The following PCDHGA5 variants were observed in gnomAD, a reference collection of about 807,000 sequenced individuals.
PCDHGA5 encodes protocadherin gamma-A5.
In PCDHGA5, 36 loss-of-function variants were observed where a neutral mutation model predicts 56.7. That is an observed-to-expected ratio of 0.64 (90% CI 0.49 to 0.84). The LOEUF (loss-of-function observed/expected upper bound fraction) is 0.84. Among genes scored for constraint, PCDHGA5 ranks in the 40% least tolerant of loss-of-function variants. The probability of loss-of-function intolerance (pLI) is 0.00; values close to 1 mark genes in which losing one functional copy is unlikely to be tolerated. For synonymous variants in PCDHGA5, 563 were observed against 520.2 expected (o/e 1.08, Z -1.12); for missense variants, 1,305 against 1,201.5 (o/e 1.09, Z -1.27).
chr5:141,462,423 G>A (rs1367388191), intron 1 of PCDHGA5, among the ~76,000 whole-genome samples: 1 of 151,820 alleles, frequency 6.6e-6, no homozygotes, highest in East Asian at 1.9e-4. Context: ...GTCTATCTTG[G>A]TGAGTGTTGC....
intron 1 of PCDHGA5, chr5:141,409,997 G>C: frequency 1.2e-6 from 2 of 1,613,224 alleles, no homozygotes; most frequent in South Asian, 2.2e-5. Context: ...CGCCGACTCG[G>C]GACACAACGC....
intron 1 of PCDHGA5, chr5:141,478,141 C>T (rs770862398): frequency 6.2e-7 from 1 of 1,614,044 alleles, no homozygotes; most frequent in Non-Finnish European, 8.5e-7. Context: ...AAGCCCGAGC[C>T]GAGTTCCCCT....
intron 1 of PCDHGA5, chr5:141,422,942 G>C (rs199976232): frequency 6.2e-7 from 1 of 1,614,214 alleles, no homozygotes; most frequent in East Asian, 2.2e-5. Flanking sequence ...CCCACAGACG[G>C]CTCCACTGGC....
Position 141,415,576 on chromosome 5 carries a change from T to C in PCDHGA5, c.2421+48825T>C, listed in dbSNP as rs182127695. 9.5e-5 allele frequency: 153 copies of C among 1,614,182 alleles called. No individual in the cohort carries two copies. The Admixed American group carries it at 1.6e-3, about 17-fold the overall frequency. Reference sequence around the variant, plus strand: ...CGATCCTTTGTCTTTGTTAGATGATTCGAAGTTTCCTATAGAGGATACCCC... The same window carrying C: ...CGATCCTTTGTCTTTGTTAGATGATCCGAAGTTTCCTATAGAGGATACCCC... On this transcript the variant is annotated intron_variant, in intron 1 of 3. Transcript: ENST00000518069.
Position 141,419,080 on chromosome 5 carries a change from T to G in PCDHGA5, c.2421+52329T>G, listed in dbSNP as rs1286490083. The G allele has an allele frequency of 3.1e-6, 5 of 1,613,842 alleles. No individual in the cohort carries two copies. The South Asian group carries it at 5.5e-5, about 18-fold the overall frequency. On this transcript the variant is annotated intron_variant, in intron 1 of 3. Transcript: ENST00000518069. ...ATAATTACTACAAGCTAGTAACAGA[T>G]GAGGCCCTGGATCGGGAGCAGACCC... is the stretch of plus-strand genomic sequence containing the variant.
intron 1 of PCDHGA5, chr5:141,384,775 G>T (rs1392115505): frequency 1.9e-6 from 3 of 1,613,792 alleles, no homozygotes; most frequent in African/African-American, 1.3e-5. Context: ...CACGGGCGAG[G>T]TGCGCACGGC....
rs1472816403 is a variant in PCDHGA5 at position 141,451,473 on chromosome 5, C to T, written c.2422-43334C>T. On this transcript the variant is annotated intron_variant, in intron 1 of 3. Transcript: ENST00000518069. ...TGTTAGCTTGAGGTCTACCTCAGTTCCTTGCCATGTGGACCTCCATAGGGC... is the reference window on the plus strand; with the variant it reads ...TGTTAGCTTGAGGTCTACCTCAGTTTCTTGCCATGTGGACCTCCATAGGGC... Among the ~76,000 whole-genome samples the T allele has an allele frequency of 2.0e-5, 3 of 152,218 alleles. No homozygotes were observed. In the East Asian group the frequency reaches 5.8e-4, roughly 29 times the overall value.
In PCDHGA5 at chr5:141,431,887, T is replaced by C; in HGVS notation, c.2422-62920T>C. The C allele has an allele frequency of 1.2e-6, 2 of 1,614,190 alleles. No individual in the cohort carries two copies. The highest frequency in any genetic ancestry group is 1.7e-6 in the Non-Finnish European group (2 of 1,179,996). ...TTTTAAATGTAAATGACCAAGATTCTGAGGAAAACGGACAGGTGATCTGTT... is the reference window on the plus strand; with the variant it reads ...TTTTAAATGTAAATGACCAAGATTCCGAGGAAAACGGACAGGTGATCTGTT... On this transcript the variant is annotated intron_variant, in intron 1 of 3. Coordinates refer to ENST00000518069, the MANE Select transcript of PCDHGA5 (RefSeq NM_018918.3). The surrounding 1 kb of genome is among the most constrained non-coding windows in gnomAD (Gnocchi z 4.8).
At chr5:141,410,281 G>A (rs368378842) in intron 1 of PCDHGA5, 33 of 1,613,938 alleles carry the variant, frequency 2.0e-5, no homozygotes, top group Non-Finnish European at 2.0e-5. Context: ...TTTACCTGGT[G>A]GTGGCCTTGG....
intron 1 of PCDHGA5, chr5:141,419,197 T>C (rs560134083): frequency 1.2e-6 from 2 of 1,613,966 alleles, no homozygotes; most frequent in South Asian, 1.1e-5. Flanking sequence ...CTGACGTCAA[T>C]GACAACGCGC....
At chr5:141,417,994 G>T (rs369226139) in intron 1 of PCDHGA5, 231 of 1,613,766 alleles carry the variant, frequency 1.4e-4, no homozygotes, top group Non-Finnish European at 1.8e-4. Flanking sequence ...CCAAGGGCTC[G>T]GTGGTGGGGA....
intron 1 of PCDHGA5, chr5:141,409,152 T>C: frequency 6.2e-7 from 1 of 1,613,988 alleles, no homozygotes; most frequent in Non-Finnish European, 8.5e-7. Context: ...AGGTACACCA[T>C]GGAAGTGGAA....
At chr5:141,502,708 A>G (rs1172090234) in intron 2 of PCDHGA5, among the ~76,000 whole-genome samples, 1 of 152,204 alleles carries the variant, frequency 6.6e-6, no homozygotes, top group Non-Finnish European at 1.5e-5. Flanking sequence ...CTGTTTTTAC[A>G]TCAGTGATTA....
At chr5:141,469,424 AC>A (rs1173507321) in intron 1 of PCDHGA5, among the ~76,000 whole-genome samples, 1 of 151,864 alleles carries the variant, frequency 6.6e-6, no homozygotes, top group East Asian at 1.9e-4. Context: ...AAAATATAAA[AC>A]TTAGCTGGGC....
intron 1 of PCDHGA5, chr5:141,408,674 A>C (rs1005052894): frequency 6.2e-7 from 1 of 1,613,882 alleles, no homozygotes; most frequent in African/African-American, 1.3e-5. Flanking sequence ...TGACCCTGCC[A>C]CGGATCCTGA....
At chr5:141,389,832 C>A in intron 1 of PCDHGA5, 3 of 1,613,966 alleles carry the variant, frequency 1.9e-6, no homozygotes, top group Non-Finnish European at 2.5e-6. Flanking sequence ...CGGTGGACAG[C>A]CACCACTCTC....
chr5:141,485,961 A>G lies in PCDHGA5; in HGVS notation c.2422-8846A>G. Reference sequence around the variant, plus strand: ...GCACCAGCGGGCATGGTGCTCATCCAGCTCAATGCCTCAGACCCGGACCTG... The same window carrying G: ...GCACCAGCGGGCATGGTGCTCATCCGGCTCAATGCCTCAGACCCGGACCTG... On this transcript the variant is annotated intron_variant, in intron 1 of 3. Coordinates refer to ENST00000518069, the MANE Select transcript of PCDHGA5 (RefSeq NM_018918.3). This position sits in a 1 kb window ranked among gnomAD's most constrained non-coding sequence, Gnocchi z 5.7. 1 of 1,614,204 alleles carries G rather than the reference A, an allele frequency of 6.2e-7. No individual in the cohort carries two copies. Among genetic ancestry groups the G allele is most frequent in the Non-Finnish European group, 8.5e-7 (1 of 1,180,028 alleles).
intron 1 of PCDHGA5, chr5:141,375,029 G>T (rs1265395615): frequency 6.2e-7 from 1 of 1,614,032 alleles, no homozygotes; most frequent in Admixed American, 1.7e-5. Context: ...GAGTTTTTAT[G>T]AGCTGGGTGT....
Position 141,511,253 on chromosome 5 carries a change from A to G in PCDHGA5, c.*80A>G. The G allele has an allele frequency of 1.3e-6, 2 of 1,568,402 alleles. No homozygotes were observed. The highest frequency in any genetic ancestry group is 1.7e-6 in the Non-Finnish European group (2 of 1,157,066). On this transcript the variant is annotated 3_prime_UTR_variant, in exon 4 of 4. Coordinates refer to ENST00000518069, the MANE Select transcript of PCDHGA5 (RefSeq NM_018918.3). ...CTCCTTACCTGCACCCAGGCCTCAG[A>G]GTTTCAGGGCTAACCCCCAGAATAC...
Sources: allele counts gnomAD v4.1 joint callset (sites outside exome capture counted in the v4.1 genomes callset), GRCh38; gene constraint gnomAD v4.1.1; non-coding constraint Gnocchi (gnomAD v3.1); transcripts MANE v1.5; gene names NCBI Gene and HGNC (gene_info 2026-07-23, HGNC 2026-07-21).